Variants in UBXN1 observed in about 807,000 individuals in gnomAD.
The protein encoded by UBXN1 is UBX domain-containing protein 1.
UBXN1 carries 21 observed loss-of-function variants against 42.0 expected under a neutral mutation model. That is an observed-to-expected ratio of 0.50 (90% CI 0.35 to 0.72). The LOEUF (loss-of-function observed/expected upper bound fraction) is 0.72. UBXN1 is among the 30% of genes least tolerant of loss of function. The pLI is 0.00. For missense variants in UBXN1, 374 were observed against 382.2 expected, an observed-to-expected ratio of 0.98 and a Z score of 0.18; for synonymous variants, 172 against 142.6, an observed-to-expected ratio of 1.21 and a Z score of -1.47.
intron 8 of UBXN1, 48 bp downstream of exon 8, chr11:62,676,765 C>T (rs749403972): frequency 1.2e-6 from 2 of 1,614,214 alleles, no homozygotes; most frequent in African/African-American, 1.3e-5. Flanking sequence ...AGGCATGCCT[C>T]CCTACTCCCC....
In UBXN1 at chr11:62,678,746, G is replaced by A; in HGVS notation, c.60-3C>T. The A allele has an allele frequency of 1.9e-6, 3 of 1,613,198 alleles. No homozygotes were observed. Among genetic ancestry groups the A allele is most frequent in the Non-Finnish European group, 8.5e-7 (1 of 1,179,960 alleles). On this transcript the variant is annotated splice_polypyrimidine_tract_variant and splice_region_variant and intron_variant, in intron 1 of 8. Transcript: ENST00000301935. ...CTGTGAGGGCCAGAGCCTTCTCCCTGGGGGCAGAAACACCATGAATAGCGC... is the reference window on the plus strand; with the variant it reads ...CTGTGAGGGCCAGAGCCTTCTCCCTAGGGGCAGAAACACCATGAATAGCGC...
At position 62,679,002 on chromosome 11, in the gene UBXN1, G is replaced by C. The variant is rs1285709496; in HGVS notation, c.-79C>G. On this transcript the variant is annotated 5_prime_UTR_variant, in exon 1 of 9. Transcript: ENST00000301935. ...GGGAAGGGTCAGCGCGAGGCAACCCGCCCTCGACACCCGCCGACGGGCGCT... is the reference window on the plus strand; with the variant it reads ...GGGAAGGGTCAGCGCGAGGCAACCCCCCCTCGACACCCGCCGACGGGCGCT... 6.8e-7 allele frequency: 1 copy of C among 1,464,694 alleles called. No homozygotes were observed. Among genetic ancestry groups the C allele is most frequent in the East Asian group, 2.5e-5 (1 of 40,234 alleles). The allele number at this position is 1,464,694 out of a possible 1,614,324, so 90.7% of individuals were successfully genotyped here. A position where few individuals can be genotyped will look rare whatever the true frequency, so the allele number is the denominator to read the frequency against.
In UBXN1 at chr11:62,678,996, C is replaced by G; in HGVS notation, c.-73G>C. ...GAGGGCGGGAAGGGTCAGCGCGAGG[C>G]AACCCGCCCTCGACACCCGCCGACG... On this transcript the variant is annotated 5_prime_UTR_variant, in exon 1 of 9. Transcript: ENST00000301935. 16 of 1,497,858 alleles carry G rather than the reference C, an allele frequency of 1.1e-5. No individual in the cohort carries two copies. Among genetic ancestry groups the G allele is most frequent in the Middle Eastern group, 2.4e-4 (1 of 4,238 alleles). 92.8% of individuals were successfully genotyped at this position (1,497,858 alleles called of 1,614,324 possible).
At position 62,676,507 on chromosome 11, in the gene UBXN1, C is replaced by T. The variant is rs1565133831; in HGVS notation, c.*83G>A. 1 of 1,492,268 alleles carries T rather than the reference C, an allele frequency of 6.7e-7. No individual in the cohort carries two copies. Among genetic ancestry groups the T allele is most frequent in the Non-Finnish European group, 9.0e-7 (1 of 1,105,694 alleles). The allele number at this position is 1,492,268 out of a possible 1,614,324, so 92.4% of individuals were successfully genotyped here. A position where few individuals can be genotyped will look rare whatever the true frequency, so the allele number is the denominator to read the frequency against. ...AGGAAGGAGTCAGGCATGTACAGAA[C>T]TCAGGGTCTATTTATTAGGAAGGAG... On this transcript the variant is annotated 3_prime_UTR_variant, in exon 9 of 9. Transcript: ENST00000301935.
At chr11:62,677,452 C>T (rs1590859220) in intron 7 of UBXN1, 66 bp downstream of exon 7, 8 of 1,533,484 alleles carry the variant, frequency 5.2e-6, no homozygotes, top group Non-Finnish European at 7.2e-6. Context: ...GAAAAAAGCT[C>T]TGAGCTGGGC....
chr11:62,678,263 A>C (rs1310906338), intron 4 of UBXN1, 76 bp downstream of exon 4: 1 of 1,610,622 alleles, frequency 6.2e-7, no homozygotes, highest in Admixed American at 1.7e-5. Flanking sequence ...TGGAAAGGTC[A>C]AGGTTCTTTG....
At chr11:62,678,789 G>A (rs376066954) in intron 1 of UBXN1, 46 bp from the exon 2 acceptor site, 2 of 1,612,258 alleles carry the variant, frequency 1.2e-6, no homozygotes, top group Non-Finnish European at 1.7e-6. Flanking sequence ...CCATGGTGAC[G>A]GTCAGGCTGG....
chr11:62,678,006 G>C lies in UBXN1; in HGVS notation c.403C>G (p.Arg135Gly), dbSNP rs1269068614. 7 of 1,613,998 alleles carry C rather than the reference G, an allele frequency of 4.3e-6. No homozygotes were observed. The East Asian group carries it at 6.7e-5, about 15-fold the overall frequency. ...ATCTCATCTTCCTGTAGCCGCTGTC[G>C]TGCTGCTGACAACTCTTGCCCTTGT... Reference protein sequence around the residue: ...RRQGQELSAARQRLQEDEMRR... With the variant: ...RRQGQELSAAGQRLQEDEMRR... The change falls in exon 5 of 9, where the codon CGA becomes GGA. Residue 135 changes from arginine to glycine, a missense_variant. Arg to Gly is a moderately radical substitution (Grantham distance 125, BLOSUM62 -2). Transcript: ENST00000301935.
At chr11:62,677,725 A>G in intron 6 of UBXN1, 56 bp downstream of exon 6, 1 of 1,613,862 alleles carries the variant, frequency 6.2e-7, no homozygotes. Flanking sequence ...CTGAAGCTGG[A>G]AAAGATTTAC....
chr11:62,677,983 C>A lies in UBXN1; in HGVS notation c.426G>T (p.Glu142Asp). 1 of 1,614,172 alleles carries A rather than the reference C, an allele frequency of 6.2e-7. No homozygotes were observed. Among genetic ancestry groups the A allele is most frequent in the Non-Finnish European group, 8.5e-7 (1 of 1,180,046 alleles). Residue 142 changes from glutamate (E) to aspartate (D), a missense_variant, in exon 5 of 9, where the codon GAG becomes GAT. Glu to Asp is a conservative substitution (Grantham distance 45). Transcript: ENST00000301935. ...SAARQRLQED[E>D]MRRAAEERRR... ...GCCTCTCCTCAGCAGCCCGGCGCAT[C>A]TCATCTTCCTGTAGCCGCTGTCGTG...
At position 62,676,820 on chromosome 11, in the gene UBXN1, C is replaced by T; in HGVS notation, c.837G>A (p.Gln279=). The T allele has an allele frequency of 6.2e-7, 1 of 1,614,232 alleles. No homozygotes were observed. The change falls in exon 8 of 9, where the codon CAG becomes CAA. Residue 279 remains glutamine, a synonymous_variant. Coordinates refer to ENST00000301935, the MANE Select transcript of UBXN1 (RefSeq NM_001286077.2). ...CTAGTCTTGCAGCCATACCCAGCTC[C>T]TGCAGAGGCCGCTCCATGTCAGCTT... ...FSEADMERPL[Q]ELGLVPSAVL...
rs1246335950 is a variant in UBXN1, at chr11:62,676,658, A to G, written c.845-19T>C. 6.2e-7 allele frequency: 1 copy of G among 1,614,238 alleles called. No homozygotes were observed. Among genetic ancestry groups the G allele is most frequent in the South Asian group, 1.1e-5 (1 of 91,092 alleles). ...ACGAGTCCTGAAGATGGAAGAAAAC[A>G]GGCTTGAACCACAAGGATACTTGGT... On this transcript the variant is annotated intron_variant, in intron 8 of 8. Coordinates refer to ENST00000301935, the MANE Select transcript of UBXN1 (RefSeq NM_001286077.2).
At chr11:62,677,118 CT>C (rs1010546886) in intron 7 of UBXN1, 113 bp from the exon 8 acceptor site, 1 of 1,250,740 alleles carries the variant, frequency 8.0e-7, no homozygotes, top group African/African-American at 1.5e-5. Context: ...ACCAGCACAA[CT>C]ACTATTTAAA....
chr11:62,678,437 C>T (rs2276297), intron 3 of UBXN1, 29 bp from the exon 4 acceptor site: 1 of 1,614,032 alleles, frequency 6.2e-7, no homozygotes, highest in South Asian at 1.1e-5. Context: ...TATTATTATC[C>T]CTTCAGATTC....
At chr11:62,678,167 G>C (rs745961869) in intron 4 of UBXN1, 49 bp from the exon 5 acceptor site, 2 of 1,606,604 alleles carry the variant, frequency 1.2e-6, no homozygotes, top group African/African-American at 1.3e-5. Context: ...AGAGTGGGAA[G>C]GTGTAAAGTT....
Position 62,677,647 on chromosome 11 carries a change from G to A in UBXN1, c.535-13C>T. On this transcript the variant is annotated splice_polypyrimidine_tract_variant and intron_variant, in intron 6 of 8. Transcript: ENST00000301935. ...CACTGCCACCATACTAAAGGGCAAA[G>A]TAAAACAGTCAATCAGGTACTCACC... 6.2e-7 allele frequency: 1 copy of A among 1,612,110 alleles called. No individual in the cohort carries two copies. The highest frequency in any genetic ancestry group is 8.5e-7 in the Non-Finnish European group (1 of 1,179,116).
chr11:62,677,745 C>T, intron 6 of UBXN1, 36 bp downstream of exon 6: 1 of 1,614,094 alleles, frequency 6.2e-7, no homozygotes, highest in South Asian at 1.1e-5. Context: ...CTAACCTGCC[C>T]ACTCCATTAC....
chr11:62,678,071 T>C lies in UBXN1; in HGVS notation c.338A>G (p.Glu113Gly). The part of the protein sequence containing the change: ...AQKQREREER[E>G]EREALERERQ... Reference sequence around the variant, plus strand: ...TTCCCGTTCCAATGCCTCCCGTTCCTCTCTTTCTTCACGCTCCCGCTGCTT... The same window carrying C: ...TTCCCGTTCCAATGCCTCCCGTTCCCCTCTTTCTTCACGCTCCCGCTGCTT... Residue 113 changes from glutamate (E) to glycine (G), a missense_variant, in exon 5 of 9, where the codon GAG (glutamate) becomes GGG (glycine). Coordinates refer to ENST00000301935, the MANE Select transcript of UBXN1 (RefSeq NM_001286077.2). 8.7e-6 allele frequency: 14 copies of C among 1,614,084 alleles called. No individual in the cohort carries two copies. Among genetic ancestry groups the C allele is most frequent in the Non-Finnish European group, 1.2e-5 (14 of 1,180,014 alleles).
At chr11:62,676,775 CCAGTTTCTAGTCCTGGT>C in intron 8 of UBXN1, 21 bp downstream of exon 8, 2 of 1,614,202 alleles carry the variant, frequency 1.2e-6, no homozygotes, top group Non-Finnish European at 1.7e-6. Context: ...CCCTACTCCC[CCAGTTTCTAGTCCTGGT>C]TTCTAGTCTT....
Sources: gnomAD v4.1 joint callset for allele counts on GRCh38, gnomAD v4.1.1 for gene constraint, MANE v1.5 for transcripts, NCBI Gene and HGNC (gene_info 2026-07-23, HGNC 2026-07-21) for gene names.